Variants in KALRN observed in about 807,000 individuals in gnomAD.
KALRN encodes kalirin.
A neutral mutation model predicts 353.7 loss-of-function variants in KALRN; 70 were observed. That is an observed-to-expected ratio of 0.20 (90% CI 0.16 to 0.24). The LOEUF (loss-of-function observed/expected upper bound fraction) is 0.24. KALRN is among the 10% of genes least tolerant of loss of function. The probability of loss-of-function intolerance (pLI) is 1.00; values close to 1 mark genes in which losing one functional copy is unlikely to be tolerated. For missense variants in KALRN, 2,791 were observed against 3,756.7 expected (o/e 0.74, Z 6.72); for synonymous variants, 1,391 against 1,434.8 (o/e 0.97, Z 0.69).
Position 124,456,694 on chromosome 3 carries a change from A to G in KALRN, c.3820A>G (p.Asn1274Asp), listed in dbSNP as rs200906284. 1.9e-6 allele frequency: 3 copies of G among 1,613,140 alleles called. No individual in the cohort carries two copies. The highest frequency in any genetic ancestry group is 2.5e-6 in the Non-Finnish European group (3 of 1,179,352). The change falls in exon 23 of 60, where the codon AAT (asparagine) becomes GAT (aspartate). Residue 1274 changes from asparagine (N) to aspartate (D), a missense_variant. Transcript: ENST00000682506. ...VKLRDANHEV[N>D]EEKRKSARKK... ...GCTGCGGGACGCCAACCACGAAGTC[A>G]ATGAAGAGAAGCGGAAGTCAGCCCG...
chr3:124,171,774 G>T (rs566630366), intron 1 of KALRN, among the ~76,000 whole-genome samples: 1 of 152,310 alleles, frequency 6.6e-6, no homozygotes, highest in South Asian at 2.1e-4. Context: ...ATTCCTGCCT[G>T]TGGAGATCAA....
At chr3:124,379,681 A>G (rs2087067844) in intron 10 of KALRN, among the ~76,000 whole-genome samples, 1 of 152,086 alleles carries the variant, frequency 6.6e-6, no homozygotes, top group African/African-American at 2.4e-5. Flanking sequence ...AGCAGGTGCT[A>G]TTTCTAACTG....
intron 1 of KALRN, among the ~76,000 whole-genome samples, chr3:124,172,152 G>A (rs538184605): frequency 1.3e-5 from 2 of 152,152 alleles, no homozygotes; most frequent in African/African-American, 4.8e-5. Flanking sequence ...TCAACAATGG[G>A]TGATAATAAC....
rs571562110 is a variant in KALRN, at chr3:124,411,597, A to G, written c.2347-1873A>G. On this transcript the variant is annotated intron_variant, in intron 13 of 59. Transcript: ENST00000682506. ...GCAAGGACAACAGGTGCATGCCACC[A>G]TGCCTAGCTAATGTATTATTATTTG... 1.2e-4 allele frequency among the ~76,000 whole-genome samples: 18 copies of G among 151,896 alleles called. No individual in the cohort carries two copies. The East Asian group carries it at 3.3e-3, about 28-fold the overall frequency.
intron 1 of KALRN, among the ~76,000 whole-genome samples, chr3:124,055,039 C>T (rs758349333): frequency 6.6e-6 from 1 of 152,170 alleles, no homozygotes; most frequent in Non-Finnish European, 1.5e-5. Context: ...TTCCTCATCT[C>T]AGAGGGTAAA....
In KALRN at chr3:124,632,603, T is replaced by A. The variant is rs1405000476; in HGVS notation, c.5366T>A (p.Ile1789Asn). The A allele has an allele frequency of 1.2e-6, 2 of 1,614,022 alleles. No homozygotes were observed. Among genetic ancestry groups the A allele is most frequent in the East Asian group, 4.5e-5 (2 of 44,878 alleles). Residue 1789 changes from isoleucine (I) to asparagine (N), a missense_variant, in exon 35 of 60, where the codon ATC (isoleucine) becomes AAC (asparagine). This residue lies in a region of KALRN where 1,065 missense variants were observed against 1,156.4 expected (regional missense o/e 0.92). Coordinates refer to ENST00000682506, the MANE Select transcript of KALRN (RefSeq NM_001388419.1). ...AACAGCGGGAAGGCAGATGGAAACA[T>A]CAAAAAGCAGAAGAAAGTTCGCGAT... is the stretch of plus-strand genomic sequence containing the variant. ...RLNSGKADGN[I>N]KKQKKVRDGR...
intron 25 of KALRN, among the ~76,000 whole-genome samples, chr3:124,464,657 A>C (rs2060155239): frequency 6.6e-6 from 1 of 152,188 alleles, no homozygotes; most frequent in African/African-American, 2.4e-5. Flanking sequence ...ACCAGAGAAG[A>C]TGCCACAAAA....
At chr3:124,636,198 T>C (rs1471145041) in intron 36 of KALRN, among the ~76,000 whole-genome samples, 1 of 152,212 alleles carries the variant, frequency 6.6e-6, no homozygotes, top group Non-Finnish European at 1.5e-5. Context: ...ACTTTCTCTC[T>C]AACCCAAGGG....
At chr3:124,369,020 C>T (rs1453065556) in intron 10 of KALRN, among the ~76,000 whole-genome samples, 5 of 151,860 alleles carry the variant, frequency 3.3e-5, no homozygotes, top group African/African-American at 9.7e-5. Flanking sequence ...GCTTCGGCTC[C>T]GCATGAGAGG....
chr3:124,108,572 G>A (rs2062541619), intron 1 of KALRN, among the ~76,000 whole-genome samples: 1 of 152,106 alleles, frequency 6.6e-6, no homozygotes, highest in South Asian at 2.1e-4. Flanking sequence ...GCAGAAGTCA[G>A]GTATTTCATT....
intron 28 of KALRN, among the ~76,000 whole-genome samples, chr3:124,485,201 G>T (rs1446667467): frequency 6.6e-6 from 1 of 152,174 alleles, no homozygotes; most frequent in Admixed American, 6.5e-5. Flanking sequence ...CCACCCAAAG[G>T]TTGTTCAGGA....
chr3:124,203,307 C>T (rs1289828647), intron 1 of KALRN, among the ~76,000 whole-genome samples: 1 of 152,192 alleles, frequency 6.6e-6, no homozygotes, highest in African/African-American at 2.4e-5. Context: ...TTCTCCTGGG[C>T]TCTTCATTAG....
At chr3:124,134,288 C>T (rs1450081202) in intron 1 of KALRN, among the ~76,000 whole-genome samples, 1 of 152,142 alleles carries the variant, frequency 6.6e-6, no homozygotes, top group Non-Finnish European at 1.5e-5. Context: ...GGAAAGGACA[C>T]CCTTTTCAAC....
intron 37 of KALRN, among the ~76,000 whole-genome samples, chr3:124,648,144 C>T (rs1445736669): frequency 6.6e-6 from 1 of 152,224 alleles, no homozygotes; most frequent in Admixed American, 6.5e-5. Flanking sequence ...GGCTCAGTAT[C>T]CCAACTCTAG....
intron 6 of KALRN, among the ~76,000 whole-genome samples, chr3:124,304,593 T>A (rs2077535567): frequency 6.6e-6 from 1 of 152,152 alleles, no homozygotes; most frequent in South Asian, 2.1e-4. Context: ...GTGAAAAATT[T>A]TAAAACAAGC....
chr3:124,314,357 G>T (rs1192274405), intron 6 of KALRN, among the ~76,000 whole-genome samples: 1 of 117,570 alleles, frequency 8.5e-6, no homozygotes. Context: ...TTGTGGGGTG[G>T]GGGGAGGGGG....
chr3:124,036,959 C>T (rs2039481494), intron 1 of KALRN, among the ~76,000 whole-genome samples: 1 of 152,222 alleles, frequency 6.6e-6, no homozygotes, highest in Non-Finnish European at 1.5e-5. Flanking sequence ...ACCCAGCCTA[C>T]TATTCTAGAT....
At chr3:124,300,266 A>T (rs2077159776) in intron 6 of KALRN, among the ~76,000 whole-genome samples, 1 of 152,198 alleles carries the variant, frequency 6.6e-6, no homozygotes, top group African/African-American at 2.4e-5. Flanking sequence ...AAAGTAGATA[A>T]TCATGGTGCA....
chr3:124,692,347 G>A (rs1189456234), intron 51 of KALRN, among the ~76,000 whole-genome samples: 3 of 152,220 alleles, frequency 2.0e-5, no homozygotes, highest in African/African-American at 7.2e-5. Context: ...AGAAAACCTG[G>A]GTGGTATAAG....
Sources: allele counts gnomAD v4.1 joint callset (sites outside exome capture counted in the v4.1 genomes callset), GRCh38; gene constraint gnomAD v4.1.1; regional missense constraint gnomAD v4.1.1; transcripts MANE v1.5; gene names NCBI Gene and HGNC (gene_info 2026-07-23, HGNC 2026-07-21).